NXPE2: variants seen among roughly 807,000 people sequenced by gnomAD.
The protein encoded by NXPE2 is NXPE family member 2.
Under a neutral mutation model 34.4 loss-of-function variants are expected in NXPE2, and 34 were observed. The observed-to-expected ratio is 0.99, with a 90% CI of 0.75 to 1.31. The LOEUF is 1.31. Ranked by LOEUF, NXPE2 falls within the 40% of genes most tolerant of loss-of-function variation. NXPE2 has a pLI of 0.00. For synonymous variants in NXPE2, 235 were observed against 231.3 expected, an observed-to-expected ratio of 1.02 and a Z score of -0.15; for missense variants, 649 against 672.5, an observed-to-expected ratio of 0.97 and a Z score of 0.39.
chr11:114,735,205 C>A, the NXPE2 span, among the ~76,000 whole-genome samples: 1 of 152,128 alleles, frequency 6.6e-6, no homozygotes, highest in South Asian at 2.1e-4. Context: ...GAATAGCTTT[C>A]TTTTCTCAGC....
At chr11:114,573,329 G>A in the NXPE2 span, among the ~76,000 whole-genome samples, 1 of 152,038 alleles carries the variant, frequency 6.6e-6, no homozygotes, top group Admixed American at 6.6e-5. Flanking sequence ...GCAACAAGTA[G>A]CACAATGAAT....
At chr11:114,745,835 T>C in the NXPE2 span, among the ~76,000 whole-genome samples, 2 of 152,142 alleles carry the variant, frequency 1.3e-5, no homozygotes, top group Non-Finnish European at 2.9e-5. Context: ...AATTTTAATG[T>C]TATATAATGT....
At chr11:114,671,144 T>C in the NXPE2 span, among the ~76,000 whole-genome samples, 1 of 149,558 alleles carries the variant, frequency 6.7e-6, no homozygotes, top group Non-Finnish European at 1.5e-5. Flanking sequence ...GTACAATAAC[T>C]GATATGAAAA....
At chr11:114,469,219 C>A in the NXPE2 span, among the ~76,000 whole-genome samples, 5 of 137,342 alleles carry the variant, frequency 3.6e-5, no homozygotes, top group African/African-American at 1.4e-4. Flanking sequence ...TCATGTCATT[C>A]TCCTGCCTCA....
chr11:114,523,860 C>T, the NXPE2 span, among the ~76,000 whole-genome samples: 1 of 152,216 alleles, frequency 6.6e-6, no homozygotes, highest in Non-Finnish European at 1.5e-5. Flanking sequence ...TATATCAGGA[C>T]TTCTATACTG....
the NXPE2 span, among the ~76,000 whole-genome samples, chr11:114,748,971 C>T: frequency 6.6e-6 from 1 of 152,116 alleles, no homozygotes; most frequent in Non-Finnish European, 1.5e-5. Flanking sequence ...CCAGTGAGTG[C>T]CTCTTCAGAT....
At chr11:114,761,920 G>A in the NXPE2 span, among the ~76,000 whole-genome samples, 1 of 152,168 alleles carries the variant, frequency 6.6e-6, no homozygotes, top group East Asian at 1.9e-4. Context: ...ACTGAAAACT[G>A]ATTTATTAAG....
downstream of NXPE2, chr11:114,707,426 ACT>A (rs1165648548): frequency 4.7e-6 from 2 of 422,760 alleles, no homozygotes; most frequent in Non-Finnish European, 9.4e-6. Context: ...AGACAGTCTC[ACT>A]CTGTCACCAA....
chr11:114,606,768 A>G, the NXPE2 span, among the ~76,000 whole-genome samples: 3 of 151,862 alleles, frequency 2.0e-5, no homozygotes, highest in East Asian at 5.8e-4. Flanking sequence ...CACAGGGGTA[A>G]CCACTATTAT....
the NXPE2 span, among the ~76,000 whole-genome samples, chr11:114,492,987 T>A: frequency 1.3e-5 from 2 of 152,248 alleles, no homozygotes; most frequent in African/African-American, 4.8e-5. Context: ...GGTGCTCCAA[T>A]GTTGAGTACA....
At chr11:114,712,455 G>A in the NXPE2 span, among the ~76,000 whole-genome samples, 1 of 152,150 alleles carries the variant, frequency 6.6e-6, no homozygotes, top group Non-Finnish European at 1.5e-5. Context: ...AATTGGCAAA[G>A]AAGTTGAATA....
chr11:114,606,218 C>T, the NXPE2 span, among the ~76,000 whole-genome samples: 1 of 151,646 alleles, frequency 6.6e-6, no homozygotes, highest in African/African-American at 2.4e-5. Flanking sequence ...CGTATTGCCT[C>T]ATGGGTAACC....
the NXPE2 span, among the ~76,000 whole-genome samples, chr11:114,477,312 A>G: frequency 1.3e-5 from 2 of 152,206 alleles, no homozygotes; most frequent in Admixed American, 1.3e-4. Context: ...ACTATAGTTA[A>G]TAATGTTTTG....
the NXPE2 span, chr11:114,571,425 A>G: frequency 1.2e-6 from 2 of 1,611,562 alleles, no homozygotes; most frequent in South Asian, 1.1e-5. Flanking sequence ...ATCCACAGCA[A>G]GCTGGTGTTG....
the NXPE2 span, among the ~76,000 whole-genome samples, chr11:114,793,767 A>G: frequency 6.6e-6 from 1 of 152,188 alleles, no homozygotes; most frequent in Non-Finnish European, 1.5e-5. Context: ...GGATATATAC[A>G]TATGTGAACA....
chr11:114,647,722 G>A, the NXPE2 span, among the ~76,000 whole-genome samples: 6 of 146,182 alleles, frequency 4.1e-5, no homozygotes, highest in African/African-American at 1.5e-4. Flanking sequence ...TTTTTTTTGA[G>A]ACAGAATCTC....
chr11:114,467,151 T>C, the NXPE2 span, among the ~76,000 whole-genome samples: 1 of 152,310 alleles, frequency 6.6e-6, no homozygotes, highest in African/African-American at 2.4e-5. Context: ...GGAAAACATC[T>C]ATCTGTAGTG....
At chr11:114,792,989 T>C in the NXPE2 span, among the ~76,000 whole-genome samples, 2 of 152,192 alleles carry the variant, frequency 1.3e-5, no homozygotes, top group African/African-American at 4.8e-5. Flanking sequence ...TCTTAGCATA[T>C]CCTGCTTCAC....
the NXPE2 span, among the ~76,000 whole-genome samples, chr11:114,613,113 G>A: frequency 6.6e-6 from 1 of 151,526 alleles, no homozygotes. Flanking sequence ...GGTAACCACT[G>A]TAACCAGGTG....
Sources: gnomAD v4.1 joint callset for allele counts (sites outside exome capture counted in the v4.1 genomes callset) on GRCh38, gnomAD v4.1.1 for gene constraint, MANE v1.5 for transcripts, NCBI Gene and HGNC (gene_info 2026-07-23, HGNC 2026-07-21) for gene names.